The following INSR variants were observed in gnomAD, a reference collection of about 807,000 sequenced individuals.
INSR encodes insulin receptor.
INSR carries 67 observed loss-of-function variants against 142.6 expected under a neutral mutation model. The ratio of observed to expected loss-of-function variants is 0.47; its 90% confidence interval spans 0.39 to 0.58. The LOEUF (loss-of-function observed/expected upper bound fraction) is 0.58, where lower values mean the gene tolerates loss of function less well. Ranked by LOEUF, INSR falls within the 20% of genes least tolerant of loss-of-function variation. The pLI is 0.00. For missense variants in INSR, 1,248 were observed against 1,833.2 expected (o/e 0.68, Z 5.83); for synonymous variants, 756 against 743.1 (o/e 1.02, Z -0.28).
At chr19:7,124,240 G>C (rs1418225930) in intron 17 of INSR, among the ~76,000 whole-genome samples, 1 of 151,664 alleles carries the variant, frequency 6.6e-6, no homozygotes, top group East Asian at 2.0e-4. Context: ...GTGGTGGCAG[G>C]CACCTGCAGT....
In INSR at chr19:7,166,195, C is replaced by A; in HGVS notation, c.1820G>T (p.Gly607Val). The A allele has an allele frequency of 1.9e-6, 3 of 1,614,142 alleles. No homozygotes were observed. The highest frequency in any genetic ancestry group is 1.7e-6 in the Non-Finnish European group (2 of 1,180,026). Residue 607 changes from glycine (G) to valine (V), a missense_variant, in exon 8 of 22, where the codon GGG becomes GTG. Physicochemically the swap from Gly to Val is moderately radical, Grantham distance 109. Around this residue, in one of 3 missense-constraint regions of INSR, gnomAD observed 1,069 missense variants for 1,654.0 expected, o/e 0.65. Transcript: ENST00000302850. The surrounding 1 kb of genome is among the most constrained non-coding windows in gnomAD (Gnocchi z 4.1). ...GACATAAATGATGTCACTCTTGGCC[C>A]CATAGGTCCGGCGTTCATCCGAAAA... ...VTFSDERRTYGAKSDIIYVQT... is the reference protein window; with the variant it reads ...VTFSDERRTYVAKSDIIYVQT...
chr19:7,117,281 C>T lies in INSR; in HGVS notation c.3924G>A (p.Glu1308=). The T allele has an allele frequency of 6.2e-7, 1 of 1,614,224 alleles. No individual in the cohort carries two copies. The highest frequency in any genetic ancestry group is 2.2e-5 in the East Asian group (1 of 44,878). Residue 1308 remains glutamate, a synonymous_variant, in exon 22 of 22, where the codon GAG becomes GAA. Transcript: ENST00000302850. ...FPEVSFFHSE[E]NKAPESEELE... is the part of the protein sequence containing the mutation. The stretch of plus-strand genomic sequence containing the variant: ...GCTCCTCACTCTCGGGAGCCTTGTT[C>T]TCCTCGCTGTGGAAGAACGACACCT...
At chr19:7,195,606 C>T (rs957915103) in intron 2 of INSR, among the ~76,000 whole-genome samples, 7 of 151,898 alleles carry the variant, frequency 4.6e-5, no homozygotes, top group African/African-American at 1.7e-4. Context: ...CTCACCACTG[C>T]ACTCTAGCCT....
intron 2 of INSR, among the ~76,000 whole-genome samples, chr19:7,219,810 C>T (rs577976717): frequency 6.6e-6 from 1 of 152,220 alleles, no homozygotes; most frequent in African/African-American, 2.4e-5. Flanking sequence ...CTCTCCCTTT[C>T]CTTTTCGCAG....
intron 9 of INSR, among the ~76,000 whole-genome samples, chr19:7,153,244 C>T (rs111164989): frequency 0.013 from 19 of 1,458 alleles, no homozygotes; most frequent in Non-Finnish European, 0.027. Flanking sequence ...ACACCATACA[C>T]GCACCACACA....
At chr19:7,117,505 G>A in intron 21 of INSR, 95 bp from the exon 22 acceptor site, 1 of 845,606 alleles carries the variant, frequency 1.2e-6, no homozygotes, top group South Asian at 1.6e-5. Context: ...GACACCCACG[G>A]ACCACATGTG....
chr19:7,172,447 G>A lies in INSR; in HGVS notation c.1124-13C>T. 1 of 1,613,430 alleles carries A rather than the reference G, an allele frequency of 6.2e-7. No homozygotes were observed. Among genetic ancestry groups the A allele is most frequent in the East Asian group, 2.2e-5 (1 of 44,878 alleles). Reference sequence around the variant, plus strand: ...GCTGCCAGATTGTCTAAGGAAAGGAGAGAATATCCAGTGGGTTTCTATAGA... The same window carrying A: ...GCTGCCAGATTGTCTAAGGAAAGGAAAGAATATCCAGTGGGTTTCTATAGA... On this transcript the variant is annotated splice_polypyrimidine_tract_variant and intron_variant, in intron 4 of 21. Transcript: ENST00000302850.
intron 1 of INSR, among the ~76,000 whole-genome samples, chr19:7,292,431 T>C (rs1051223465): frequency 7.4e-6 from 1 of 135,614 alleles, no homozygotes; most frequent in Non-Finnish European, 1.5e-5. Flanking sequence ...CCACCCTTCA[T>C]TGAGCACCTA....
At chr19:7,181,822 C>T (rs1974282375) in intron 3 of INSR, among the ~76,000 whole-genome samples, 5 of 151,238 alleles carry the variant, frequency 3.3e-5, no homozygotes. Flanking sequence ...CTCAGATGAT[C>T]CGTCCACTTC....
At position 7,267,233 on chromosome 19, in the gene INSR, T is replaced by C. The variant is rs372264319; in HGVS notation, c.652+112A>G. On this transcript the variant is annotated intron_variant, in intron 2 of 21. Transcript: ENST00000302850. This position sits in a 1 kb window ranked among gnomAD's most constrained non-coding sequence, Gnocchi z 6.3. ...TGGGCTAGTGAATGCCACCACCCACTATTCCCCGGCCCCTACCTAATGACC... is the reference window on the plus strand; with the variant it reads ...TGGGCTAGTGAATGCCACCACCCACCATTCCCCGGCCCCTACCTAATGACC... 20 of 1,136,358 alleles carry C rather than the reference T, an allele frequency of 1.8e-5. 1 individual carries two copies. In the Middle Eastern group the frequency reaches 1.1e-3, roughly 63 times the overall value. 70.4% of individuals were successfully genotyped at this position (1,136,358 alleles called of 1,614,324 possible).
intron 1 of INSR, among the ~76,000 whole-genome samples, chr19:7,293,305 C>T (rs1053414002): frequency 6.6e-6 from 1 of 152,196 alleles, no homozygotes; most frequent in Admixed American, 6.5e-5. Flanking sequence ...TAGAGGGGGG[C>T]TCTGCAGTCC....
intron 17 of INSR, among the ~76,000 whole-genome samples, chr19:7,123,316 C>T (rs1568428441): frequency 6.6e-6 from 1 of 151,724 alleles, no homozygotes; most frequent in Non-Finnish European, 1.5e-5. Context: ...TTACAGGTGC[C>T]CGCCTCCACA....
intron 14 of INSR, among the ~76,000 whole-genome samples, chr19:7,131,102 A>C (rs531206602): frequency 6.7e-6 from 1 of 150,268 alleles, no homozygotes; most frequent in Admixed American, 6.6e-5. Flanking sequence ...CTGGTCTCGA[A>C]CTCCTGACCT....
In INSR at chr19:7,152,855, T is replaced by A. The variant is rs755112011; in HGVS notation, c.2102A>T (p.Glu701Val). ...SEDSQKHNQSEYEDSAGECCS... is the reference protein window; with the variant it reads ...SEDSQKHNQSVYEDSAGECCS... The stretch of plus-strand genomic sequence containing the variant: ...GCATTCGCCGGCCGAATCCTCATAC[T>A]CACTCTGGTTGTGCTTCTGAGAATC... Residue 701 changes from glutamate (E) to valine (V), a missense_variant, in exon 10 of 22, where the codon GAG (glutamate) becomes GTG (valine). By Grantham distance (121) the Glu-to-Val change is moderately radical. Around this residue, in one of 3 missense-constraint regions of INSR, gnomAD observed 1,069 missense variants for 1,654.0 expected, o/e 0.65. Transcript: ENST00000302850. 6.2e-7 allele frequency: 1 copy of A among 1,613,266 alleles called. No individual in the cohort carries two copies. Among genetic ancestry groups the A allele is most frequent in the Non-Finnish European group, 8.5e-7 (1 of 1,179,934 alleles).
chr19:7,137,269 A>T (rs1481302038), intron 13 of INSR, among the ~76,000 whole-genome samples: 12 of 13,776 alleles, frequency 8.7e-4, no homozygotes, highest in Non-Finnish European at 3.4e-3. Flanking sequence ...TTCTAAATTA[A>T]AAAAAAAAAA....
At chr19:7,240,982 C>T (rs1976321476) in intron 2 of INSR, among the ~76,000 whole-genome samples, 1 of 152,102 alleles carries the variant, frequency 6.6e-6, no homozygotes, top group Admixed American at 6.6e-5. Flanking sequence ...GATACTGAAC[C>T]TGTATCTGGC....
intron 2 of INSR, among the ~76,000 whole-genome samples, chr19:7,247,274 T>C (rs952248721): frequency 5.3e-5 from 8 of 152,070 alleles, no homozygotes; most frequent in African/African-American, 1.9e-4. Flanking sequence ...CCCATTTTAC[T>C]CCACTTAAGC....
At chr19:7,127,009 C>A (rs888105307) in intron 15 of INSR, among the ~76,000 whole-genome samples, 5 of 152,104 alleles carry the variant, frequency 3.3e-5, no homozygotes, top group Non-Finnish European at 7.4e-5. Context: ...AGAGATCCTC[C>A]CACTTCAGCT....
intron 9 of INSR, among the ~76,000 whole-genome samples, chr19:7,155,926 A>T (rs115804270): frequency 0.017 from 2,560 of 151,736 alleles, 79 homozygotes; most frequent in African/African-American, 0.055. Flanking sequence ...AAGAAGAAAA[A>T]GAAAGAAGAA....
Sources: allele counts gnomAD v4.1 joint callset (sites outside exome capture counted in the v4.1 genomes callset), GRCh38; gene constraint gnomAD v4.1.1; regional missense constraint gnomAD v4.1.1; non-coding constraint Gnocchi (gnomAD v3.1); transcripts MANE v1.5; gene names NCBI Gene and HGNC (gene_info 2026-07-23, HGNC 2026-07-21).